PLCB1: variants seen among roughly 807,000 people sequenced by gnomAD.
PLCB1 encodes phospholipase C beta 1.
PLCB1 carries 46 observed loss-of-function variants against 161.8 expected under a neutral mutation model. The observed-to-expected ratio is 0.28, with a 90% CI of 0.22 to 0.36. PLCB1 has a LOEUF of 0.36. Ranked by LOEUF, PLCB1 falls within the 10% of genes least tolerant of loss-of-function variation. The pLI is 1.00. For synonymous variants in PLCB1, 517 were observed against 503.7 expected, an observed-to-expected ratio of 1.03 and a Z score of -0.35; for missense variants, 1,016 against 1,472.5, an observed-to-expected ratio of 0.69 and a Z score of 5.07.
chr20:8,416,349 T>C (rs1979271329), intron 3 of PLCB1, among the ~76,000 whole-genome samples: 2 of 149,754 alleles, frequency 1.3e-5, no homozygotes, highest in African/African-American at 2.4e-5. Flanking sequence ...TAATTATTTA[T>C]AGAAAAAGTC....
chr20:8,226,297 C>CT (rs1979680274), intron 2 of PLCB1, among the ~76,000 whole-genome samples: 1 of 152,130 alleles, frequency 6.6e-6, no homozygotes, highest in East Asian at 1.9e-4. Context: ...GCTGCTTTCT[C>CT]TCCACTAGCT....
chr20:8,668,353 C>T (rs1989865252), intron 9 of PLCB1, among the ~76,000 whole-genome samples: 1 of 152,146 alleles, frequency 6.6e-6, no homozygotes, highest in Non-Finnish European at 1.5e-5. Context: ...CCAGCTGTGA[C>T]AGCAAAGATT....
At chr20:8,303,242 G>A (rs111554556) in intron 2 of PLCB1, among the ~76,000 whole-genome samples, 2,144 of 152,180 alleles carry the variant, frequency 0.014, 56 homozygotes, top group African/African-American at 0.047. Flanking sequence ...GTATAGATCC[G>A]GGGTTTCAAC....
chr20:8,734,156 A>G (rs1197959084), intron 19 of PLCB1, among the ~76,000 whole-genome samples: 3 of 148,470 alleles, frequency 2.0e-5, no homozygotes, highest in African/African-American at 7.4e-5. Context: ...AAAAAAAAAA[A>G]AAAAGTTTTC....
intron 2 of PLCB1, among the ~76,000 whole-genome samples, chr20:8,217,102 A>C (rs1979175461): frequency 6.6e-6 from 1 of 152,216 alleles, no homozygotes; most frequent in Non-Finnish European, 1.5e-5. Context: ...CTTGTTTTAA[A>C]CCCACTTTAC....
chr20:8,267,598 A>C (rs1009810337), intron 2 of PLCB1, among the ~76,000 whole-genome samples: 3 of 152,096 alleles, frequency 2.0e-5, no homozygotes, highest in Non-Finnish European at 4.4e-5. Flanking sequence ...AGAAAACTCA[A>C]CCTGAAATAC....
In PLCB1 at chr20:8,883,690, T is replaced by TTTGA. The variant is rs1196490411; in HGVS notation, c.*1844_*1847dup. The TTTGA allele has an allele frequency of 6.6e-6, 1 of 152,498 alleles. No homozygotes were observed. Among genetic ancestry groups the TTTGA allele is most frequent in the African/African-American group, 2.4e-5 (1 of 41,432 alleles). The allele number at this position is 152,498 out of a possible 1,614,324, so 9.4% of individuals were successfully genotyped here. On this transcript the variant is annotated 3_prime_UTR_variant, in exon 32 of 32. Transcript: ENST00000338037. ...TTAGTTCAAACATAAGGAAACAGTG[T>TTTGA]TTGATTAAAAAAAACACATCTAGTA...
At chr20:8,487,960 C>T (rs1982799935) in intron 3 of PLCB1, among the ~76,000 whole-genome samples, 1 of 152,058 alleles carries the variant, frequency 6.6e-6, no homozygotes, top group Non-Finnish European at 1.5e-5. Flanking sequence ...AGCTCCCTTG[C>T]CTCTAGGTGG....
chr20:8,164,053 A>C (rs1378865125), intron 2 of PLCB1, among the ~76,000 whole-genome samples: 1 of 152,144 alleles, frequency 6.6e-6, no homozygotes, highest in Non-Finnish European at 1.5e-5. Flanking sequence ...CTCCAATCCC[A>C]ATTCTTCTCT....
At chr20:8,825,850 G>C (rs1985668716) in intron 31 of PLCB1, among the ~76,000 whole-genome samples, 1 of 152,178 alleles carries the variant, frequency 6.6e-6, no homozygotes, top group South Asian at 2.1e-4. Context: ...AGTGGTGATG[G>C]ACAGAGGTAG....
intron 31 of PLCB1, among the ~76,000 whole-genome samples, chr20:8,837,477 A>G (rs1438658714): frequency 6.6e-6 from 1 of 152,242 alleles, no homozygotes; most frequent in Non-Finnish European, 1.5e-5. Context: ...GACAGCATGC[A>G]TTTAATTTTG....
chr20:8,509,550 G>A (rs1293307625), intron 3 of PLCB1, among the ~76,000 whole-genome samples: 1 of 152,196 alleles, frequency 6.6e-6, no homozygotes, highest in Non-Finnish European at 1.5e-5. Context: ...GAGGTAAAGA[G>A]AGAGTGGATA....
intron 3 of PLCB1, among the ~76,000 whole-genome samples, chr20:8,485,967 G>T (rs1165022652): frequency 1.3e-5 from 2 of 151,424 alleles, no homozygotes; most frequent in Non-Finnish European, 2.9e-5. Context: ...CCACAGGGCT[G>T]GAGAGGCCTC....
chr20:8,628,193 A>G, intron 3 of PLCB1, 101 bp from the exon 4 acceptor site: 1 of 947,616 alleles, frequency 1.1e-6, no homozygotes, highest in Non-Finnish European at 1.6e-6. Context: ...AATAAAAGCA[A>G]CTTTGTTTTG....
chr20:8,811,350 G>GA (rs1984812732), intron 31 of PLCB1, among the ~76,000 whole-genome samples: 1 of 152,118 alleles, frequency 6.6e-6, no homozygotes, highest in Non-Finnish European at 1.5e-5. Context: ...AAATAGGAGG[G>GA]AAAATCCATT....
chr20:8,206,164 G>A (rs982306004), intron 2 of PLCB1, among the ~76,000 whole-genome samples: 4 of 152,164 alleles, frequency 2.6e-5, no homozygotes, highest in Admixed American at 2.6e-4. Flanking sequence ...TAACACATTT[G>A]TGTGTGCTCT....
intron 2 of PLCB1, among the ~76,000 whole-genome samples, chr20:8,303,471 A>G (rs1306794939): frequency 6.6e-6 from 1 of 152,090 alleles, no homozygotes; most frequent in Non-Finnish European, 1.5e-5. Flanking sequence ...TAAACAGAAA[A>G]CTCATTAACT....
chr20:8,185,621 T>G (rs1386520060), intron 2 of PLCB1, among the ~76,000 whole-genome samples: 1 of 151,664 alleles, frequency 6.6e-6, no homozygotes, highest in Admixed American at 6.6e-5. Context: ...ATATAAACAC[T>G]TTAAGGAAAA....
chr20:8,582,291 C>T (rs1363675589), intron 3 of PLCB1, among the ~76,000 whole-genome samples: 3 of 152,132 alleles, frequency 2.0e-5, no homozygotes, highest in Non-Finnish European at 2.9e-5. Flanking sequence ...TAGGAATTGT[C>T]CTCAGCCAAC....
Sources: gnomAD v4.1 joint callset for allele counts (sites outside exome capture counted in the v4.1 genomes callset) on GRCh38, gnomAD v4.1.1 for gene constraint, MANE v1.5 for transcripts, NCBI Gene and HGNC (gene_info 2026-07-23, HGNC 2026-07-21) for gene names.